AFG2A: variants seen among roughly 807,000 people sequenced by gnomAD.
The protein encoded by AFG2A is ATPase family gene 2 protein homolog A.
At chr4:123,255,857 G>A in the AFG2A span, among the ~76,000 whole-genome samples, 1 of 151,520 alleles carries the variant, frequency 6.6e-6, no homozygotes, top group Non-Finnish European at 1.5e-5. Context: ...TGTTTGTATC[G>A]GTGACATAGA....
the AFG2A span, among the ~76,000 whole-genome samples, chr4:123,110,124 C>T: frequency 1.3e-5 from 2 of 151,914 alleles, no homozygotes; most frequent in African/African-American, 2.4e-5. Flanking sequence ...AATAGCAAAA[C>T]GAACACTAAG....
chr4:123,271,921 G>A, the AFG2A span, among the ~76,000 whole-genome samples: 17 of 151,448 alleles, frequency 1.1e-4, no homozygotes, highest in Admixed American at 9.9e-4. Context: ...TTTCTCACTG[G>A]CACATGAGTA....
the AFG2A span, among the ~76,000 whole-genome samples, chr4:122,972,841 G>A: frequency 6.6e-6 from 1 of 151,946 alleles, no homozygotes; most frequent in Non-Finnish European, 1.5e-5. Flanking sequence ...TCCTAGCATA[G>A]GGTCAGTTTT....
the AFG2A span, among the ~76,000 whole-genome samples, chr4:123,013,510 A>G: frequency 6.6e-6 from 1 of 152,202 alleles, no homozygotes; most frequent in African/African-American, 2.4e-5. Flanking sequence ...AAAACCAAAC[A>G]CTGCATGTTC....
At chr4:122,923,816 G>T in the AFG2A span, among the ~76,000 whole-genome samples, 1 of 152,108 alleles carries the variant, frequency 6.6e-6, no homozygotes, top group African/African-American at 2.4e-5. Flanking sequence ...TACAGAAGCC[G>T]TGACCGATGG....
At chr4:123,281,542 C>T in the AFG2A span, among the ~76,000 whole-genome samples, 2 of 152,140 alleles carry the variant, frequency 1.3e-5, no homozygotes, top group Non-Finnish European at 2.9e-5. Context: ...CTAGTCACTT[C>T]ACTTCTGGGC....
the AFG2A span, among the ~76,000 whole-genome samples, chr4:123,206,091 C>G: frequency 6.6e-6 from 1 of 152,078 alleles, no homozygotes; most frequent in Non-Finnish European, 1.5e-5. Context: ...CCTAACAAAT[C>G]TAGCCTTAAG....
At chr4:122,959,122 CTG>C in the AFG2A span, among the ~76,000 whole-genome samples, 1 of 152,180 alleles carries the variant, frequency 6.6e-6, no homozygotes, top group Non-Finnish European at 1.5e-5. Context: ...GGTCCAAGAA[CTG>C]TACTTTGAGA....
At chr4:123,045,399 C>G in the AFG2A span, among the ~76,000 whole-genome samples, 126,656 of 152,108 alleles carry the variant, frequency 0.83, 53,909 homozygotes, top group East Asian at 0.97. Context: ...GTTTTGTCAG[C>G]GGTCCCAATA....
the AFG2A span, among the ~76,000 whole-genome samples, chr4:123,118,666 G>T: frequency 2.0e-5 from 3 of 151,762 alleles, no homozygotes; most frequent in African/African-American, 7.3e-5. Flanking sequence ...GTAAAAGTGG[G>T]ATTGTTGTGT....
At chr4:123,053,703 G>A in the AFG2A span, among the ~76,000 whole-genome samples, 2 of 151,952 alleles carry the variant, frequency 1.3e-5, no homozygotes, top group African/African-American at 4.8e-5. Context: ...CCAGACTGCA[G>A]CAGGAGGGGC....
At chr4:123,283,357 AAAG>A in the AFG2A span, among the ~76,000 whole-genome samples, 27 of 85,796 alleles carry the variant, frequency 3.1e-4, no homozygotes, top group Non-Finnish European at 7.0e-4. Flanking sequence ...AGGAAAAAAA[AAAG>A]AGAGAGAGAG....
the AFG2A span, among the ~76,000 whole-genome samples, chr4:123,269,228 A>G: frequency 3.3e-5 from 5 of 152,186 alleles, no homozygotes; most frequent in African/African-American, 1.2e-4. Flanking sequence ...AGCCTATTAT[A>G]TTGGATCTAC....
the AFG2A span, among the ~76,000 whole-genome samples, chr4:123,238,465 G>A: frequency 2.6e-5 from 4 of 152,120 alleles, no homozygotes; most frequent in South Asian, 2.1e-4. Context: ...TTCCCTCTGC[G>A]ATGAAGTTTC....
chr4:123,289,542 G>A, the AFG2A span, among the ~76,000 whole-genome samples: 2 of 152,166 alleles, frequency 1.3e-5, no homozygotes, highest in African/African-American at 4.8e-5. Context: ...TAGTGGGATT[G>A]AAGGATCAAA....
the AFG2A span, among the ~76,000 whole-genome samples, chr4:123,163,560 G>A: frequency 6.6e-6 from 1 of 152,170 alleles, no homozygotes; most frequent in East Asian, 1.9e-4. Flanking sequence ...TAAAACCTCA[G>A]TGTTAATTTC....
chr4:122,933,288 C>A, the AFG2A span: 1 of 634,300 alleles, frequency 1.6e-6, no homozygotes, highest in Non-Finnish European at 2.6e-6. Flanking sequence ...CCCATCATTT[C>A]AAAATTGTAT....
the AFG2A span, among the ~76,000 whole-genome samples, chr4:123,250,813 G>A: frequency 6.6e-6 from 1 of 152,116 alleles, no homozygotes; most frequent in Non-Finnish European, 1.5e-5. Flanking sequence ...TTTTCATTGA[G>A]TTGTCATATA....
the AFG2A span, among the ~76,000 whole-genome samples, chr4:122,972,213 T>G: frequency 2.0e-5 from 3 of 152,134 alleles, no homozygotes; most frequent in Admixed American, 2.0e-4. Flanking sequence ...AATTGTATAG[T>G]TTGTTTGTAT....
Sources: allele counts gnomAD v4.1 joint callset (sites outside exome capture counted in the v4.1 genomes callset), GRCh38; gene constraint gnomAD v4.1.1; transcripts MANE v1.5; gene names NCBI Gene and HGNC (gene_info 2026-07-23, HGNC 2026-07-21).